Variants in APAF1 observed in about 807,000 individuals in gnomAD.
The protein encoded by APAF1 is apoptotic protease-activating factor 1.
A neutral mutation model predicts 152.4 loss-of-function variants in APAF1; 91 were observed. The observed-to-expected ratio is 0.60, with a 90% CI of 0.50 to 0.71. APAF1 has a LOEUF of 0.71. Among genes scored for constraint, APAF1 ranks in the 30% least tolerant of loss-of-function variants. The pLI is 0.00. For synonymous variants in APAF1, 484 were observed against 494.1 expected (o/e 0.98, Z 0.27); for missense variants, 1,283 against 1,472.0 (o/e 0.87, Z 2.10).
At position 98,662,656 on chromosome 12, in the gene APAF1, T is replaced by G. The variant is rs573318327; in HGVS notation, c.824-19T>G. 2.5e-6 allele frequency: 4 copies of G among 1,612,830 alleles called. No homozygotes were observed. The South Asian group carries it at 4.4e-5, about 18-fold the overall frequency. ...GACATACCAAATTACTTACTTTGTC[T>G]TGTGATTTTTGTTTGCAGGTCCTAA... On this transcript the variant is annotated intron_variant, in intron 6 of 26. Coordinates refer to ENST00000551964, the MANE Select transcript of APAF1 (RefSeq NM_181861.2).
chr12:98,666,473 C>T, intron 9 of APAF1, 116 bp downstream of exon 9: 1 of 965,990 alleles, frequency 1.0e-6, no homozygotes, highest in East Asian at 2.6e-5. Flanking sequence ...CACCTAGCTT[C>T]CCCTAATATT....
intron 4 of APAF1, among the ~76,000 whole-genome samples, chr12:98,652,469 CTTG>C (rs1363137526): frequency 2.0e-5 from 3 of 151,994 alleles, no homozygotes; most frequent in Non-Finnish European, 4.4e-5. Flanking sequence ...TCTTCATAAG[CTTG>C]TTGTTAGCCT....
chr12:98,667,045 G>C (rs1009390199), intron 9 of APAF1, among the ~76,000 whole-genome samples: 1 of 151,356 alleles, frequency 6.6e-6, no homozygotes, highest in Non-Finnish European at 1.5e-5. Flanking sequence ...GTTTAAAGTG[G>C]TATCTGCCAG....
Position 98,715,606 on chromosome 12 carries a change from C to T in APAF1, c.3084+54C>T. ...TTTAATGCTGATTCTAGCAAAGGAACACTATGATTATGCCTAAAATCTGGT... is the reference window on the plus strand; with the variant it reads ...TTTAATGCTGATTCTAGCAAAGGAATACTATGATTATGCCTAAAATCTGGT... On this transcript the variant is annotated intron_variant, in intron 22 of 26. Coordinates refer to ENST00000551964, the MANE Select transcript of APAF1 (RefSeq NM_181861.2). 3 of 1,599,468 alleles carry T rather than the reference C, an allele frequency of 1.9e-6. No homozygotes were observed. The East Asian group carries it at 6.7e-5, about 36-fold the overall frequency.
chr12:98,697,978 T>A (rs1375343958), intron 16 of APAF1, among the ~76,000 whole-genome samples: 1 of 152,122 alleles, frequency 6.6e-6, no homozygotes, highest in Non-Finnish European at 1.5e-5. Flanking sequence ...AGGCCTGGGG[T>A]GCACAGGGAC....
chr12:98,727,434 C>A, intron 26 of APAF1, 118 bp downstream of exon 26: 1 of 1,175,056 alleles, frequency 8.5e-7, no homozygotes. Flanking sequence ...AAAAAGGCTG[C>A]TACTCCGGAG....
At chr12:98,706,008 G>T (rs1159871364) in intron 18 of APAF1, among the ~76,000 whole-genome samples, 1 of 152,038 alleles carries the variant, frequency 6.6e-6, no homozygotes, top group Non-Finnish European at 1.5e-5. Context: ...TGGCTTAACT[G>T]TCCAATATTT....
chr12:98,680,751 C>G (rs2097691377), intron 14 of APAF1, among the ~76,000 whole-genome samples: 2 of 152,004 alleles, frequency 1.3e-5, no homozygotes, highest in South Asian at 4.1e-4. Context: ...AGCAAAAATG[C>G]CTAGGTTGAT....
chr12:98,676,388 T>C (rs2097686525), intron 12 of APAF1, among the ~76,000 whole-genome samples: 1 of 151,650 alleles, frequency 6.6e-6, no homozygotes, highest in Non-Finnish European at 1.5e-5. Context: ...TTTGTATTTT[T>C]AGTAGAGATG....
intron 16 of APAF1, among the ~76,000 whole-genome samples, chr12:98,688,824 CT>C (rs1222509500): frequency 2.7e-5 from 4 of 149,424 alleles, no homozygotes; most frequent in African/African-American, 4.9e-5. Context: ...TTCTTTCTTT[CT>C]TTTTTTTGAA....
intron 18 of APAF1, among the ~76,000 whole-genome samples, chr12:98,705,490 A>G (rs928464520): frequency 2.0e-5 from 3 of 152,206 alleles, no homozygotes; most frequent in African/African-American, 7.2e-5. Flanking sequence ...ATAACCACAG[A>G]ACTCACTGAA....
rs545873173 is a variant in APAF1 at position 98,680,341 on chromosome 12, G to T, written c.1985G>T (p.Cys662Phe). ...AAGGCTCATGAGGATGAAGTGCTTT[G>T]TTGTGCATTCTCTACAGATGACAGA... is the stretch of plus-strand genomic sequence containing the variant. ...EIKAHEDEVLCCAFSTDDRFI... is the reference protein window; with the variant it reads ...EIKAHEDEVLFCAFSTDDRFI... Residue 662 changes from cysteine (C) to phenylalanine (F), a missense_variant, in exon 14 of 27, where the codon TGT (cysteine) becomes TTT (phenylalanine). Coordinates refer to ENST00000551964, the MANE Select transcript of APAF1 (RefSeq NM_181861.2). 6.2e-7 allele frequency: 1 copy of T among 1,613,722 alleles called. No homozygotes were observed. The highest frequency in any genetic ancestry group is 1.3e-5 in the African/African-American group (1 of 75,048).
intron 17 of APAF1, among the ~76,000 whole-genome samples, chr12:98,702,473 C>A (rs969450030): frequency 3.3e-5 from 5 of 152,040 alleles, no homozygotes; most frequent in Admixed American, 3.3e-4. Flanking sequence ...AAATAAAAAT[C>A]ATCTTATTTG....
intron 26 of APAF1, among the ~76,000 whole-genome samples, chr12:98,730,080 T>C (rs373823709): frequency 2.0e-5 from 3 of 152,184 alleles, no homozygotes; most frequent in South Asian, 4.1e-4. Context: ...CCCCAAAATA[T>C]GTACAACTTA....
At position 98,650,182 on chromosome 12, in the gene APAF1, A is replaced by G. The variant is rs188685164; in HGVS notation, c.526+498A>G. Among the ~76,000 whole-genome samples, 4 of 152,300 alleles carry G rather than the reference A, an allele frequency of 2.6e-5. No individual in the cohort carries two copies. The East Asian group carries it at 7.7e-4, about 29-fold the overall frequency. The stretch of plus-strand genomic sequence containing the variant: ...CTAGGGGAATTCAAAGACAGTTCCC[A>G]ACTTCTAGTAGTTAATAATTTTTTT... On this transcript the variant is annotated intron_variant, in intron 4 of 26. Coordinates refer to ENST00000551964, the MANE Select transcript of APAF1 (RefSeq NM_181861.2).
At position 98,671,550 on chromosome 12, in the gene APAF1, G is replaced by A. The variant is rs1171939618; in HGVS notation, c.1624G>A (p.Glu542Lys). The A allele has an allele frequency of 6.2e-7, 1 of 1,614,046 alleles. No homozygotes were observed. Among genetic ancestry groups the A allele is most frequent in the Non-Finnish European group, 8.5e-7 (1 of 1,179,952 alleles). ...TTATTTGTAGGATTGTGCAGTCAGT[G>A]AGAATTTTCAGGAGTTTTTATCTTT... ...ILDEKDCAVS[E>K]NFQEFLSLNG... The change falls in exon 12 of 27, where the codon GAG (glutamate) becomes AAG (lysine). Residue 542 changes from glutamate (E) to lysine (K), a missense_variant. By Grantham distance (56) the Glu-to-Lys change is moderately conservative (BLOSUM62 1). Transcript: ENST00000551964.
chr12:98,656,724 TTAC>T (rs2153311201), intron 4 of APAF1, among the ~76,000 whole-genome samples: 1 of 152,308 alleles, frequency 6.6e-6, no homozygotes, highest in South Asian at 2.1e-4. Flanking sequence ...TTTCCTGAGT[TTAC>T]TACCTTCTCC....
rs758599595 is a variant in APAF1, at chr12:98,712,381, C to T, written c.2904C>T (p.Cys968=). Residue 968 remains cysteine (C), a synonymous_variant, in exon 21 of 27, where the codon TGC becomes TGT. Coordinates refer to ENST00000551964, the MANE Select transcript of APAF1 (RefSeq NM_181861.2). The stretch of plus-strand genomic sequence containing the variant: ...CTGAAGCTCAAGTTAGCTGCTGTTG[C>T]TTAAGTCCACATCTTCAGTACATTG... The part of the protein sequence containing the change: ...YLTEAQVSCC[C]LSPHLQYIAF... 2 of 1,613,546 alleles carry T rather than the reference C, an allele frequency of 1.2e-6. No individual in the cohort carries two copies. The highest frequency in any genetic ancestry group is 1.1e-5 in the South Asian group (1 of 91,070).
At chr12:98,648,927 G>T in intron 3 of APAF1, 112 bp downstream of exon 3, 1 of 1,068,004 alleles carries the variant, frequency 9.4e-7, no homozygotes. Context: ...AAAACTGCAT[G>T]TTAAAAAAAT....
Sources: gnomAD v4.1 joint callset for allele counts (sites outside exome capture counted in the v4.1 genomes callset) on GRCh38, gnomAD v4.1.1 for gene constraint, MANE v1.5 for transcripts, NCBI Gene and HGNC (gene_info 2026-07-23, HGNC 2026-07-21) for gene names.